SHF: variants seen among roughly 807,000 people sequenced by gnomAD.
The protein encoded by SHF is Src homology 2 domain containing F.
In SHF, 30 loss-of-function variants were observed where a neutral mutation model predicts 42.4. The observed-to-expected ratio is 0.71, with a 90% CI of 0.53 to 0.96. The LOEUF is 0.96. Ranked by LOEUF, SHF falls within the 40% of genes least tolerant of loss-of-function variation. SHF has a pLI of 0.00. For synonymous variants in SHF, 264 were observed against 269.9 expected (o/e 0.98, Z 0.21); for missense variants, 598 against 634.0 (o/e 0.94, Z 0.61).
In SHF at chr15:45,181,636, C is replaced by A. The variant is rs539532515; in HGVS notation, c.499-3330G>T. On this transcript the variant is annotated intron_variant, in intron 1 of 6. Transcript: ENST00000690270. Reference sequence around the variant, plus strand: ...ACGCTCAACAGGCGTCCTCTCCAGACTCCATCCTCTGGAGTGACATCACCT... The same window carrying A: ...ACGCTCAACAGGCGTCCTCTCCAGAATCCATCCTCTGGAGTGACATCACCT... Among the ~76,000 whole-genome samples the A allele has an allele frequency of 9.8e-4, 149 of 152,340 alleles. 3 individuals are homozygous for A. The South Asian group carries it at 0.029, about 29-fold the overall frequency.
At chr15:45,198,640 G>A (rs994959297) in intron 2 of SHF, 4 of 1,161,286 alleles carry the variant, frequency 3.4e-6, no homozygotes, top group Non-Finnish European at 4.7e-6. Context: ...GGTTGCTGCG[G>A]CCACAACGCA....
intron 6 of SHF, among the ~76,000 whole-genome samples, chr15:45,168,509 G>A (rs1366693516): frequency 6.6e-6 from 1 of 152,162 alleles, no homozygotes; most frequent in Non-Finnish European, 1.5e-5. Flanking sequence ...CACCTTTCTT[G>A]AGCTCTTTGG....
At chr15:45,181,671 C>T (rs1228852474) in intron 1 of SHF, among the ~76,000 whole-genome samples, 1 of 152,166 alleles carries the variant, frequency 6.6e-6, no homozygotes, top group African/African-American at 2.4e-5. Flanking sequence ...TTTCAGATCC[C>T]CATTCACCTT....
At chr15:45,172,060 C>A (rs753500400) in intron 5 of SHF, 58 bp from the exon 6 acceptor site, 5 of 1,613,756 alleles carry the variant, frequency 3.1e-6, no homozygotes, top group Non-Finnish European at 4.2e-6. Context: ...TGTCCAGGCC[C>A]ACCCATTGTG....
chr15:45,194,265 TATC>T (rs1018170569), intron 2 of SHF, among the ~76,000 whole-genome samples: 2 of 152,106 alleles, frequency 1.3e-5, no homozygotes, highest in Non-Finnish European at 2.9e-5. Context: ...AATCCATTAT[TATC>T]ATATTATTAT....
intron 2 of SHF, among the ~76,000 whole-genome samples, chr15:45,195,025 T>C (rs1253244202): frequency 1.3e-5 from 2 of 152,028 alleles, no homozygotes; most frequent in Non-Finnish European, 2.9e-5. Flanking sequence ...AGAGATGAGG[T>C]CTCACTCTGT....
chr15:45,198,637 G>C, intron 2 of SHF: 1 of 1,130,826 alleles, frequency 8.8e-7, no homozygotes. Flanking sequence ...CGAGGTTGCT[G>C]CGGCCACAAC....
At chr15:45,200,243 C>T in intron 1 of SHF, 1 of 159,536 alleles carries the variant, frequency 6.3e-6, no homozygotes, top group South Asian at 1.6e-4. Context: ...CTCAGAGGAC[C>T]CGGAAGCCTA....
chr15:45,174,818 G>C (rs995193113), intron 3 of SHF, among the ~76,000 whole-genome samples: 4 of 152,124 alleles, frequency 2.6e-5, no homozygotes, highest in African/African-American at 7.2e-5. Flanking sequence ...CTAGAATTCA[G>C]GTTACACCCA....
At position 45,173,564 on chromosome 15, in the gene SHF, C is replaced by G; in HGVS notation, c.988+12G>C. ...GACATGTCACCCTGGCCAGAAGCCC[C>G]CCAGGACCCACCGCTGCTGTCCTCC... On this transcript the variant is annotated intron_variant, in intron 4 of 6. Transcript: ENST00000690270. The G allele has an allele frequency of 6.6e-7, 1 of 1,505,526 alleles. No homozygotes were observed. 93.3% of individuals were successfully genotyped at this position (1,505,526 alleles called of 1,614,324 possible). A position where few individuals can be genotyped will look rare whatever the true frequency, so the allele number is the denominator to read the frequency against.
At chr15:45,186,567 C>G (rs759451500) in intron 1 of SHF, among the ~76,000 whole-genome samples, 1 of 152,226 alleles carries the variant, frequency 6.6e-6, no homozygotes, top group Non-Finnish European at 1.5e-5. Flanking sequence ...GGGATAAGGC[C>G]AACCCGAATC....
chr15:45,187,365 C>A (rs891084363), intron 1 of SHF, 89 bp downstream of exon 1: 637 of 1,193,344 alleles, frequency 5.3e-4, no homozygotes, highest in Middle Eastern at 6.3e-4. Flanking sequence ...CACCGAGGGG[C>A]CCGGGCCAGG....
At chr15:45,169,419 A>C (rs553051681) in intron 6 of SHF, among the ~76,000 whole-genome samples, 4 of 152,232 alleles carry the variant, frequency 2.6e-5, no homozygotes, top group African/African-American at 4.8e-5. Flanking sequence ...CAGGGCTGGG[A>C]GTCAGGGTGC....
intron 1 of SHF, among the ~76,000 whole-genome samples, chr15:45,185,258 G>C (rs1425392275): frequency 6.6e-6 from 1 of 152,238 alleles, no homozygotes; most frequent in Non-Finnish European, 1.5e-5. Context: ...CTGAGAGAAG[G>C]AGGAACAGAA....
At chr15:45,191,750 A>AT (rs1415740202), upstream of SHF, among the ~76,000 whole-genome samples, 21 of 151,684 alleles carry the variant, frequency 1.4e-4, no homozygotes, top group Admixed American at 1.1e-3. Flanking sequence ...TTTCTTCCAA[A>AT]TTTTTTTTGG....
intron 2 of SHF, among the ~76,000 whole-genome samples, chr15:45,196,422 G>T (rs932402154): frequency 1.3e-5 from 2 of 152,154 alleles, no homozygotes; most frequent in Non-Finnish European, 2.9e-5. Context: ...AGAAGATCTG[G>T]TGCATTAGGC....
intron 2 of SHF, among the ~76,000 whole-genome samples, chr15:45,197,937 CATACA>C (rs1486651481): frequency 2.0e-5 from 3 of 151,760 alleles, no homozygotes; most frequent in Non-Finnish European, 2.9e-5. Flanking sequence ...AATATATATT[CATACA>C]AGGACTGTTG....
chr15:45,175,458 G>C (rs1046717750), intron 2 of SHF, 33 bp from the exon 3 acceptor site: 10 of 1,552,828 alleles, frequency 6.4e-6, no homozygotes, highest in Non-Finnish European at 8.7e-6. Context: ...GAAAGGTGAG[G>C]GTTCAGCCTT....
At chr15:45,173,073 G>GCA (rs1897597416) in intron 4 of SHF, among the ~76,000 whole-genome samples, 2 of 152,226 alleles carry the variant, frequency 1.3e-5, no homozygotes, top group Admixed American at 1.3e-4. Flanking sequence ...TCATGCCTCT[G>GCA]CACACACACC....
Sources: gnomAD v4.1 joint callset for allele counts (sites outside exome capture counted in the v4.1 genomes callset) on GRCh38, gnomAD v4.1.1 for gene constraint, MANE v1.5 for transcripts, NCBI Gene and HGNC (gene_info 2026-07-23, HGNC 2026-07-21) for gene names.